Variants in PSAP observed in about 807,000 individuals in gnomAD.
PSAP encodes prosaposin.
Under a neutral mutation model 66.0 loss-of-function variants are expected in PSAP, and 25 were observed. The ratio of observed to expected loss-of-function variants is 0.38; its 90% CI spans 0.28 to 0.53. PSAP has a LOEUF of 0.53. Among genes scored for constraint, PSAP ranks in the 20% least tolerant of loss-of-function variants. The pLI is 0.83. For missense variants in PSAP, 649 were observed against 668.8 expected (o/e 0.97, Z 0.33); for synonymous variants, 273 against 258.9 (o/e 1.05, Z -0.52).
At chr10:71,840,219 C>T (rs1842710289) in intron 1 of PSAP, among the ~76,000 whole-genome samples, 1 of 152,056 alleles carries the variant, frequency 6.6e-6, no homozygotes, top group African/African-American at 2.4e-5. Flanking sequence ...ATGCATGCAG[C>T]CTCCCAGTGC....
chr10:71,837,225 A>G lies in PSAP; in HGVS notation c.41-2720T>C, dbSNP rs567921291. On this transcript the variant is annotated intron_variant, in intron 1 of 13. Transcript: ENST00000394936. ...CCAAACATAAAGGTGCATGTTACAA[A>G]AACAGCCTGTGGTATGCAACGGATT... 5.3e-4 allele frequency among the ~76,000 whole-genome samples: 80 copies of G among 152,332 alleles called. 1 individual carries two copies. The Middle Eastern group carries it at 0.01, about 19-fold the overall frequency.
chr10:71,842,651 AC>A (rs1842750666), intron 1 of PSAP, among the ~76,000 whole-genome samples: 2 of 152,142 alleles, frequency 1.3e-5, no homozygotes, highest in African/African-American at 4.8e-5. Context: ...TTTCAGATTT[AC>A]CTCAAATCAG....
intron 10 of PSAP, 46 bp from the exon 11 acceptor site, chr10:71,819,668 A>G (rs1206523124): frequency 1.2e-6 from 2 of 1,613,856 alleles, no homozygotes; most frequent in South Asian, 2.2e-5. Context: ...GCCCTCCCAG[A>G]CCCAAGAGGG....
At chr10:71,832,272 G>T (rs868483203) in intron 2 of PSAP, among the ~76,000 whole-genome samples, 2 of 152,222 alleles carry the variant, frequency 1.3e-5, no homozygotes, top group South Asian at 4.2e-4. Context: ...AGAGAGGTGG[G>T]TGGGACAGAG....
At position 71,846,014 on chromosome 10, in the gene PSAP, C is replaced by T. The variant is rs566028739; in HGVS notation, c.40+5168G>A. On this transcript the variant is annotated intron_variant, in intron 1 of 13. Coordinates refer to ENST00000394936, the MANE Select transcript of PSAP (RefSeq NM_002778.4). ...AAGACGCCAAAGGAAATCACAAAAT[C>T]AAGGGCAGAAAATAGGCCGCTGTGC... Among the ~76,000 whole-genome samples the T allele has an allele frequency of 4.6e-5, 7 of 152,318 alleles. No individual in the cohort carries two copies. The South Asian group carries it at 1.5e-3, about 32-fold the overall frequency.
chr10:71,839,375 G>A (rs1011544566), intron 1 of PSAP, among the ~76,000 whole-genome samples: 1 of 152,122 alleles, frequency 6.6e-6, no homozygotes, highest in Non-Finnish European at 1.5e-5. Context: ...AACTAGCTGA[G>A]ATTATAGGCG....
Position 71,827,870 on chromosome 10 carries a change from C to A in PSAP, c.720+144G>T, listed in dbSNP as rs1842424940. 7.7e-6 allele frequency: 9 copies of A among 1,171,088 alleles called. No homozygotes were observed. The South Asian group carries it at 9.3e-5, about 12-fold the overall frequency. The allele number at this position is 1,171,088 out of a possible 1,614,324, so 72.5% of individuals were successfully genotyped here. A position where few individuals can be genotyped will look rare whatever the true frequency, so the allele number is the denominator to read the frequency against. ...TGTTACATATCCAGATGCCATTAAC[C>A]AAAATAGATTCAAGTCTGCACTACC... On this transcript the variant is annotated intron_variant, in intron 6 of 13. Transcript: ENST00000394936.
At position 71,831,392 on chromosome 10, in the gene PSAP, T is replaced by C. The variant is rs2854990; in HGVS notation, c.250-141A>G. The stretch of plus-strand genomic sequence containing the variant: ...GCCCTCAGGGAAAAGGACTTGGCCA[T>C]GTTACCTATGGCTCTATTAGGTCAA... On this transcript the variant is annotated intron_variant, in intron 3 of 13. Coordinates refer to ENST00000394936, the MANE Select transcript of PSAP (RefSeq NM_002778.4). The C allele has an allele frequency of 0.51, 541,344 of 1,052,830 alleles. 143,728 individuals carry two copies. The highest frequency in any genetic ancestry group is 0.57 in the Middle Eastern group (1,898 of 3,352). The allele number at this position is 1,052,830 out of a possible 1,614,324, so 65.2% of individuals were successfully genotyped here. A position where few individuals can be genotyped will look rare whatever the true frequency, so the allele number is the denominator to read the frequency against.
At chr10:71,835,843 A>C (rs1258417592) in intron 1 of PSAP, among the ~76,000 whole-genome samples, 2 of 145,530 alleles carry the variant, frequency 1.4e-5, no homozygotes, top group African/African-American at 2.8e-5. Context: ...AAAAAAACAA[A>C]ACACAATCAC....
At chr10:71,830,760 T>C (rs1842495778) in intron 4 of PSAP, among the ~76,000 whole-genome samples, 1 of 152,230 alleles carries the variant, frequency 6.6e-6, no homozygotes, top group African/African-American at 2.4e-5. Context: ...CCCTGAATTA[T>C]TCCTTGATTA....
rs1303119734 is a variant in PSAP, at chr10:71,819,847, C to G, written c.1059G>C (p.Leu353=). 1 of 1,614,078 alleles carries G rather than the reference C, an allele frequency of 6.2e-7. No homozygotes were observed. The highest frequency in any genetic ancestry group is 2.2e-5 in the East Asian group (1 of 44,888). ...CCACCACCTCCTGGCACTCTTCCGA[C>G]AGGGACTTCGGCAGCTTCGAGCACA... ...DKMCSKLPKS[L]SEECQEVVDT... Residue 353 remains leucine, a synonymous_variant, in exon 10 of 14, where the codon CTG becomes CTC. Coordinates refer to ENST00000394936, the MANE Select transcript of PSAP (RefSeq NM_002778.4).
Position 71,817,251 on chromosome 10 carries a change from G to A in PSAP, c.*190C>T. The A allele has an allele frequency of 2.8e-6, 2 of 722,466 alleles. No homozygotes were observed. The highest frequency in any genetic ancestry group is 4.8e-4 in the Middle Eastern group (2 of 4,146). 44.8% of individuals were successfully genotyped at this position (722,466 alleles called of 1,614,324 possible). ...CAGAGAGAAAAGGGGCACTGAAGCAGCTATGTCTGCCAGGGGCTAGGGGCT... is the reference window on the plus strand; with the variant it reads ...CAGAGAGAAAAGGGGCACTGAAGCAACTATGTCTGCCAGGGGCTAGGGGCT... On this transcript the variant is annotated 3_prime_UTR_variant, in exon 14 of 14. Transcript: ENST00000394936.
chr10:71,848,368 C>T (rs887954704), intron 1 of PSAP, among the ~76,000 whole-genome samples: 3 of 152,190 alleles, frequency 2.0e-5, no homozygotes, highest in Non-Finnish European at 4.4e-5. Flanking sequence ...ATGGAAAAAG[C>T]GAGCACTGTG....
At chr10:71,820,809 T>C (rs1658508024) in intron 8 of PSAP, among the ~76,000 whole-genome samples, 3 of 152,330 alleles carry the variant, frequency 2.0e-5, no homozygotes, top group African/African-American at 7.2e-5. Context: ...TTGAGAATGC[T>C]CTTCTGGAAC....
intron 5 of PSAP, 99 bp downstream of exon 5, chr10:71,828,778 G>T (rs535381243): frequency 2.3e-6 from 3 of 1,326,394 alleles, no homozygotes; most frequent in African/African-American, 2.9e-5. Flanking sequence ...ACAGGGATAA[G>T]CCCCAGTTTA....
At chr10:71,834,534 G>T (rs753095942) in intron 1 of PSAP, 29 bp from the exon 2 acceptor site, 5 of 1,611,698 alleles carry the variant, frequency 3.1e-6, no homozygotes, top group Non-Finnish European at 4.2e-6. Context: ...TGAGGAGGTG[G>T]CCCATTTTGT....
intron 4 of PSAP, among the ~76,000 whole-genome samples, chr10:71,829,482 G>A (rs1015189252): frequency 6.6e-6 from 1 of 152,144 alleles, no homozygotes; most frequent in Non-Finnish European, 1.5e-5. Flanking sequence ...CAGTTCCCCT[G>A]CACATGCTCT....
chr10:71,820,399 C>G, intron 8 of PSAP, 64 bp from the exon 9 acceptor site: 1 of 1,413,032 alleles, frequency 7.1e-7, no homozygotes, highest in South Asian at 1.2e-5. Context: ...GTCTTGCTCC[C>G]CTAAAGGAAA....
Position 71,821,976 on chromosome 10 carries a change from A to C in PSAP, c.809T>G (p.Phe270Cys). The C allele has an allele frequency of 6.2e-7, 1 of 1,614,170 alleles. No homozygotes were observed. The highest frequency in any genetic ancestry group is 8.5e-7 in the Non-Finnish European group (1 of 1,180,020). ...QPKEICALVG[F>C]CDEVKEMPMQ... is the part of the protein sequence containing the mutation. ...GGGCATCTCTTTCACCTCATCACAG[A>C]ACCCAACCAGCGCACAGATCTCCTT... The change falls in exon 8 of 14, where the codon TTC (phenylalanine) becomes TGC (cysteine). Residue 270 changes from phenylalanine (F) to cysteine (C), a missense_variant. Phe to Cys is a radical substitution (Grantham distance 205). Transcript: ENST00000394936.
Sources: gnomAD v4.1 joint callset for allele counts (sites outside exome capture counted in the v4.1 genomes callset) on GRCh38, gnomAD v4.1.1 for gene constraint, MANE v1.5 for transcripts, NCBI Gene and HGNC (gene_info 2026-07-23, HGNC 2026-07-21) for gene names.